The following AMZ2 variants were observed in gnomAD, a reference collection of about 807,000 sequenced individuals.
AMZ2 encodes archaemetzincin-2.
A neutral mutation model predicts 36.7 loss-of-function variants in AMZ2; 26 were observed. The observed-to-expected ratio is 0.71, with a 90% CI of 0.52 to 0.98. AMZ2 has a LOEUF of 0.98. Among genes scored for constraint, AMZ2 ranks in the 50% least tolerant of loss-of-function variants. AMZ2 has a pLI of 0.00. For synonymous variants in AMZ2, 144 were observed against 149.1 expected (o/e 0.97, Z 0.25); for missense variants, 394 against 430.5 (o/e 0.92, Z 0.75).
Position 68,254,384 on chromosome 17 carries a change from T to C in AMZ2, c.587-20T>C. 2.5e-6 allele frequency: 4 copies of C among 1,602,002 alleles called. No homozygotes were observed. Among genetic ancestry groups the C allele is most frequent in the Non-Finnish European group, 3.4e-6 (4 of 1,176,326 alleles). The stretch of plus-strand genomic sequence containing the variant: ...AGGGACCTTACTCTCATTCTGTCAC[T>C]GTTTGTCCTTTTTTTGTAGGTGTGG... On this transcript the variant is annotated intron_variant, in intron 4 of 6. Transcript: ENST00000359904.
chr17:68,240,354 C>A (rs1260198811), intron 1 of AMZ2, among the ~76,000 whole-genome samples: 2 of 151,584 alleles, frequency 1.3e-5, no homozygotes, highest in African/African-American at 4.9e-5. Context: ...TAGCAGGGTG[C>A]AAAATAAAAT....
upstream of AMZ2, chr17:68,247,822 G>A (rs1442558820): frequency 4.1e-6 from 4 of 985,454 alleles, no homozygotes; most frequent in Non-Finnish European, 4.8e-6. Flanking sequence ...CGGCGACTGC[G>A]GGGGTGGACA....
chr17:68,251,112 A>G lies in AMZ2; in HGVS notation c.520A>G (p.Thr174Ala), dbSNP rs1164177513. ...AGATGCCTTCTGTGTTGTGGGAATA[A>G]CAATGATTGATCTTTACCCAAGAGA... ...PEDAFCVVGI[T>A]MIDLYPRDSW... Residue 174 changes from threonine to alanine, a missense_variant, in exon 4 of 7, where the codon ACA becomes GCA. Coordinates refer to ENST00000359904, the MANE Select transcript of AMZ2 (RefSeq NM_016627.5). The G allele has an allele frequency of 1.2e-6, 2 of 1,613,864 alleles. No individual in the cohort carries two copies. Among genetic ancestry groups the G allele is most frequent in the East Asian group, 4.5e-5 (2 of 44,876 alleles).
At chr17:68,229,570 A>C (rs1158009675) in intron 1 of AMZ2, among the ~76,000 whole-genome samples, 1 of 152,212 alleles carries the variant, frequency 6.6e-6, no homozygotes, top group African/African-American at 2.4e-5. Context: ...GAGGTACCTT[A>C]AAAACAACCA....
intron 1 of AMZ2, among the ~76,000 whole-genome samples, chr17:68,212,882 A>G (rs1296131140): frequency 6.6e-6 from 1 of 151,836 alleles, no homozygotes; most frequent in Admixed American, 6.6e-5. Flanking sequence ...TTTTCCTTTT[A>G]CTGTGTCTGT....
chr17:68,238,813 A>C (rs1203787926), intron 1 of AMZ2, among the ~76,000 whole-genome samples: 2 of 152,214 alleles, frequency 1.3e-5, no homozygotes, highest in Non-Finnish European at 2.9e-5. Context: ...GAGTAACTAA[A>C]GTGGGAAATC....
chr17:68,223,101 A>T (rs1487412844), intron 1 of AMZ2, among the ~76,000 whole-genome samples: 1 of 152,180 alleles, frequency 6.6e-6, no homozygotes, highest in Non-Finnish European at 1.5e-5. Flanking sequence ...AGAGAAATAA[A>T]GCAAGTGGTA....
chr17:68,215,469 G>T (rs1460142226), intron 1 of AMZ2, among the ~76,000 whole-genome samples: 2 of 137,094 alleles, frequency 1.5e-5, no homozygotes, highest in Non-Finnish European at 3.3e-5. Flanking sequence ...CACAGGAATC[G>T]CTTGAACCTA....
chr17:68,255,639 A>C (rs2074841516), intron 5 of AMZ2, 61 bp from the exon 6 acceptor site: 2 of 1,520,664 alleles, frequency 1.3e-6, no homozygotes, highest in Non-Finnish European at 1.8e-6. Context: ...CAAGAAAAAG[A>C]AGAGACGTGT....
At chr17:68,208,168 C>G (rs1285852109) in intron 1 of AMZ2, among the ~76,000 whole-genome samples, 1 of 152,186 alleles carries the variant, frequency 6.6e-6, no homozygotes, top group African/African-American at 2.4e-5. Flanking sequence ...GCGCCCAGTC[C>G]CATCGACCAC....
upstream of AMZ2, among the ~76,000 whole-genome samples, chr17:68,243,956 A>G (rs1444220984): frequency 3.9e-5 from 6 of 152,228 alleles, no homozygotes; most frequent in Non-Finnish European, 7.3e-5. Context: ...TCTTCTGGCT[A>G]TAAAGAACCT....
In AMZ2 at chr17:68,235,170, C is replaced by T. The variant is rs1404055346; in HGVS notation, c.-66-13470C>T. Among the ~76,000 whole-genome samples the T allele has an allele frequency of 1.7e-4, 26 of 152,270 alleles. No homozygotes were observed. Among genetic ancestry groups the T allele is most frequent in the Middle Eastern group, 3.4e-3 (1 of 294 alleles). ...TAATTAGAACTTGTGACCAACACAT[C>T]CAACCACGAGGATATATCACAAGTA... On this transcript the variant is annotated intron_variant, in intron 1 of 7. Coordinates refer to the AMZ2 transcript ENST00000674770. The surrounding 1 kb of genome is among the most constrained non-coding windows in gnomAD (Gnocchi z 4.2).
chr17:68,233,576 A>G (rs1555731826), intron 1 of AMZ2, among the ~76,000 whole-genome samples: 1 of 151,490 alleles, frequency 6.6e-6, no homozygotes, highest in African/African-American at 2.4e-5. Context: ...GTGCTGATCT[A>G]TGAACCTATG....
chr17:68,218,904 C>T (rs1327753800), intron 1 of AMZ2, among the ~76,000 whole-genome samples: 4 of 152,166 alleles, frequency 2.6e-5, no homozygotes, highest in East Asian at 1.9e-4. Flanking sequence ...ACTGTCCCTC[C>T]GTGATACAAG....
intron 1 of AMZ2, among the ~76,000 whole-genome samples, chr17:68,220,758 G>A (rs2073326889): frequency 6.7e-6 from 1 of 150,192 alleles, no homozygotes; most frequent in Admixed American, 6.7e-5. Context: ...TGCAATCAGG[G>A]ACACTTTTTT....
rs1363898038 is a variant in AMZ2, at chr17:68,235,549, G to C, written c.-66-13091G>C. On this transcript the variant is annotated intron_variant, in intron 1 of 7. Transcript: ENST00000674770. This position sits in a 1 kb window ranked among gnomAD's most constrained non-coding sequence, Gnocchi z 4.2. Reference sequence around the variant, plus strand: ...GAGCCTCAGGAACACTGCAAAGTAGGTTGGCTTCCCCCTTACGGAGCCCCT... The same window carrying C: ...GAGCCTCAGGAACACTGCAAAGTAGCTTGGCTTCCCCCTTACGGAGCCCCT... 2.1e-4 allele frequency among the ~76,000 whole-genome samples: 32 copies of C among 152,104 alleles called. No homozygotes were observed. Among genetic ancestry groups the C allele is most frequent in the Admixed American group, 2.1e-3 (32 of 15,270 alleles).
intron 1 of AMZ2, among the ~76,000 whole-genome samples, chr17:68,222,489 A>G (rs1339931372): frequency 6.6e-6 from 1 of 152,192 alleles, no homozygotes; most frequent in Non-Finnish European, 1.5e-5. Flanking sequence ...TGATTAAAGC[A>G]TATTACATTT....
At chr17:68,211,794 A>ATG (rs2073066261) in intron 1 of AMZ2, among the ~76,000 whole-genome samples, 4 of 87,834 alleles carry the variant, frequency 4.6e-5, no homozygotes, top group South Asian at 6.9e-4. Context: ...GTATATGTAT[A>ATG]TATGTGTATA....
At chr17:68,229,001 G>C (rs2073590998) in intron 1 of AMZ2, among the ~76,000 whole-genome samples, 1 of 152,220 alleles carries the variant, frequency 6.6e-6, no homozygotes, top group Non-Finnish European at 1.5e-5. Flanking sequence ...CAGCCCTCTG[G>C]CCTCCGTGGC....
Sources: allele counts gnomAD v4.1 joint callset (sites outside exome capture counted in the v4.1 genomes callset), GRCh38; gene constraint gnomAD v4.1.1; non-coding constraint Gnocchi (gnomAD v3.1); transcripts MANE v1.5; gene names NCBI Gene and HGNC (gene_info 2026-07-23, HGNC 2026-07-21).